ZMIZ1: variants seen among roughly 807,000 people sequenced by gnomAD.
ZMIZ1 encodes zinc finger MIZ-type containing 1.
ZMIZ1 carries 17 observed loss-of-function variants against 113.9 expected under a neutral mutation model. The ratio of observed to expected loss-of-function variants is 0.15; its 90% CI spans 0.10 to 0.22. The LOEUF (loss-of-function observed/expected upper bound fraction) is 0.22, where lower values mean the gene tolerates loss of function less well. Among genes scored for constraint, ZMIZ1 ranks in the 10% least tolerant of loss-of-function variants. The probability of loss-of-function intolerance (pLI) is 1.00; values close to 1 mark genes in which losing one functional copy is unlikely to be tolerated. For missense variants in ZMIZ1, 1,059 were observed against 1,477.8 expected, an observed-to-expected ratio of 0.72 and a Z score of 4.65; for synonymous variants, 607 against 603.1, an observed-to-expected ratio of 1.01 and a Z score of -0.09.
intron 8 of ZMIZ1, among the ~76,000 whole-genome samples, chr10:79,277,949 A>G (rs1029641411): frequency 6.6e-6 from 1 of 152,174 alleles, no homozygotes; most frequent in Non-Finnish European, 1.5e-5. Context: ...CCCTGCAACA[A>G]CAGGGCCTGT....
intron 1 of ZMIZ1, among the ~76,000 whole-genome samples, chr10:79,079,772 A>G (rs1450605839): frequency 1.3e-5 from 2 of 152,162 alleles, no homozygotes; most frequent in East Asian, 1.9e-4. Flanking sequence ...TGTCCCAGAA[A>G]GAGCTGGCAC....
rs1680433200 is a variant in ZMIZ1 at position 79,298,909 on chromosome 10, G to A, written c.1667-141G>A. 11 of 1,139,212 alleles carry A rather than the reference G, an allele frequency of 9.7e-6. No homozygotes were observed. In the South Asian group the frequency reaches 1.3e-4, roughly 14 times the overall value. 70.6% of individuals were successfully genotyped at this position (1,139,212 alleles called of 1,614,324 possible). A position where few individuals can be genotyped will look rare whatever the true frequency, so the allele number is the denominator to read the frequency against. The stretch of plus-strand genomic sequence containing the variant: ...GCCATGACTCACTGGTGTGCCCTTG[G>A]ACTGGCTATGTCTCTGGCCCTGTTT... On this transcript the variant is annotated intron_variant, in intron 15 of 24. Coordinates refer to ENST00000334512, the MANE Select transcript of ZMIZ1 (RefSeq NM_020338.4).
In ZMIZ1 at chr10:79,073,792, G is replaced by A. The variant is rs537614435; in HGVS notation, c.-337+4522G>A. 6.8e-4 allele frequency among the ~76,000 whole-genome samples: 104 copies of A among 151,998 alleles called. 1 individual carries two copies. The highest frequency in any genetic ancestry group is 1.1e-3 in the Non-Finnish European group (78 of 68,006). ...TGCCTCTGGGCACTTTCCTTGGAGC[G>A]GGGTATGAGAAGGAAGGGGGTGCGT... On this transcript the variant is annotated intron_variant, in intron 1 of 24. Coordinates refer to ENST00000334512, the MANE Select transcript of ZMIZ1 (RefSeq NM_020338.4).
intron 11 of ZMIZ1, chr10:79,292,930 A>C: frequency 2.2e-6 from 1 of 462,842 alleles, no homozygotes; most frequent in East Asian, 6.7e-5. Context: ...AACTTTGGGG[A>C]TGGAGGGTGT....
intron 7 of ZMIZ1, among the ~76,000 whole-genome samples, chr10:79,243,005 G>T (rs1266253347): frequency 6.6e-6 from 1 of 150,672 alleles, no homozygotes; most frequent in Admixed American, 6.6e-5. Flanking sequence ...GCGGGGTGCG[G>T]ACGGCGAGGC....
rs3740259 is a variant in ZMIZ1 at position 79,315,059 on chromosome 10, G to A, written c.*2310G>A. ...AGGTGGATCCACGGCTTTCCAGTGC[G>A]GAGAGTCGAGATGCTCCCTGCAGCC... On this transcript the variant is annotated 3_prime_UTR_variant, in exon 25 of 25. Transcript: ENST00000334512. 0.25 allele frequency: 38,484 copies of A among 152,730 alleles called. 5,226 individuals are homozygous for A. Among genetic ancestry groups the A allele is most frequent in the East Asian group, 0.33 (1,744 of 5,306 alleles). The allele number at this position is 152,730 out of a possible 1,614,324, so 9.5% of individuals were successfully genotyped here. A position where few individuals can be genotyped will look rare whatever the true frequency, so the allele number is the denominator to read the frequency against.
At chr10:79,080,300 C>CTTTT (rs10592440) in intron 1 of ZMIZ1, among the ~76,000 whole-genome samples, 2 of 85,018 alleles carry the variant, frequency 2.4e-5, no homozygotes, top group Non-Finnish European at 4.3e-5. Context: ...TCGGGTGTGA[C>CTTTT]TTTTTTTTTT....
chr10:79,265,772 G>A (rs941730602), intron 7 of ZMIZ1, among the ~76,000 whole-genome samples: 1 of 152,128 alleles, frequency 6.6e-6, no homozygotes, highest in African/African-American at 2.4e-5. Flanking sequence ...AGCCCCAGCA[G>A]CTGAGACCAC....
chr10:79,262,271 C>T (rs913503058), intron 7 of ZMIZ1, among the ~76,000 whole-genome samples: 3 of 152,234 alleles, frequency 2.0e-5, no homozygotes, highest in Admixed American at 6.5e-5. Context: ...GAAATGTATT[C>T]GTTGGCTCCA....
chr10:79,169,043 G>A (rs895956763), intron 4 of ZMIZ1, among the ~76,000 whole-genome samples: 3 of 152,186 alleles, frequency 2.0e-5, no homozygotes, highest in African/African-American at 4.8e-5. Flanking sequence ...ACCGTCTACC[G>A]CTCCCCTGAG....
chr10:79,277,954 G>A (rs1296816596), intron 8 of ZMIZ1, among the ~76,000 whole-genome samples: 1 of 152,210 alleles, frequency 6.6e-6, no homozygotes, highest in Non-Finnish European at 1.5e-5. Flanking sequence ...CAACAACAGG[G>A]CCTGTCATGC....
intron 3 of ZMIZ1, among the ~76,000 whole-genome samples, 159 bp downstream of exon 3, chr10:79,139,936 A>G (rs960791777): frequency 6.6e-6 from 1 of 152,120 alleles, no homozygotes; most frequent in Non-Finnish European, 1.5e-5. Flanking sequence ...GGGCCTCTCT[A>G]TAACTCCTTG....
intron 7 of ZMIZ1, among the ~76,000 whole-genome samples, chr10:79,271,373 G>A (rs545871063): frequency 7.2e-5 from 11 of 152,320 alleles, no homozygotes; most frequent in South Asian, 2.1e-4. Flanking sequence ...GAGGTAACGC[G>A]GTCCCATCCA....
chr10:79,158,963 C>G (rs1282460010), intron 3 of ZMIZ1, among the ~76,000 whole-genome samples: 1 of 152,236 alleles, frequency 6.6e-6, no homozygotes, highest in East Asian at 1.9e-4. Context: ...GTGTTTCAGG[C>G]TGCTGTCGGC....
chr10:79,289,251 G>A (rs932736389), intron 8 of ZMIZ1, among the ~76,000 whole-genome samples: 11 of 152,172 alleles, frequency 7.2e-5, no homozygotes, highest in Admixed American at 3.9e-4. Context: ...AAGGGTGCCG[G>A]AAGAAAGCCT....
intron 4 of ZMIZ1, among the ~76,000 whole-genome samples, chr10:79,173,228 G>A (rs1000432870): frequency 3.9e-5 from 6 of 152,214 alleles, no homozygotes; most frequent in Non-Finnish European, 7.4e-5. Flanking sequence ...GGCTCAGGAC[G>A]ACTTTGAATG....
chr10:79,093,898 C>G (rs970310044), intron 1 of ZMIZ1, among the ~76,000 whole-genome samples: 20 of 152,278 alleles, frequency 1.3e-4, no homozygotes, highest in Admixed American at 1.3e-3. Flanking sequence ...GATAAAAGAG[C>G]CCGTTTGGGA....
chr10:79,146,283 G>A (rs1466925897), intron 3 of ZMIZ1, among the ~76,000 whole-genome samples: 1 of 152,166 alleles, frequency 6.6e-6, no homozygotes, highest in Non-Finnish European at 1.5e-5. Flanking sequence ...GTGAGGACAA[G>A]CCTGCCACCC....
At chr10:79,243,021 G>A (rs1051639718) in intron 7 of ZMIZ1, among the ~76,000 whole-genome samples, 1 of 151,512 alleles carries the variant, frequency 6.6e-6, no homozygotes. Flanking sequence ...GAGGCTCGCG[G>A]GGCGGGGAGG....
Sources: allele counts gnomAD v4.1 joint callset (sites outside exome capture counted in the v4.1 genomes callset), GRCh38; gene constraint gnomAD v4.1.1; transcripts MANE v1.5; gene names NCBI Gene and HGNC (gene_info 2026-07-23, HGNC 2026-07-21).